The following PLEKHA1 variants were observed in gnomAD, a reference collection of about 807,000 sequenced individuals.
PLEKHA1 encodes pleckstrin homology domain-containing family A member 1.
PLEKHA1 carries 34 observed loss-of-function variants against 52.0 expected under a neutral mutation model. That is an observed-to-expected ratio of 0.65 (90% CI 0.50 to 0.87). PLEKHA1 has a LOEUF of 0.87. Ranked by LOEUF, PLEKHA1 falls within the 40% of genes least tolerant of loss-of-function variation. PLEKHA1 has a pLI of 0.00. For missense variants in PLEKHA1, 497 were observed against 504.2 expected, an observed-to-expected ratio of 0.99 and a Z score of 0.14; for synonymous variants, 163 against 170.7, an observed-to-expected ratio of 0.95 and a Z score of 0.35.
At chr10:122,415,816 T>C (rs2097167056) in intron 6 of PLEKHA1, 43 bp from the exon 7 acceptor site, 1 of 1,551,844 alleles carries the variant, frequency 6.4e-7, no homozygotes, top group Non-Finnish European at 8.8e-7. Context: ...AAAAGTATGC[T>C]AAACAAGCAA....
At chr10:122,399,666 T>A (rs1482924763) in intron 3 of PLEKHA1, among the ~76,000 whole-genome samples, 1 of 152,126 alleles carries the variant, frequency 6.6e-6, no homozygotes, top group African/African-American at 2.4e-5. Context: ...CACTGCAAGC[T>A]CCGTCCCCTG....
Position 122,382,429 on chromosome 10 carries a change from T to C in PLEKHA1, c.-21+7623T>C, listed in dbSNP as rs572317056. 3.7e-3 allele frequency among the ~76,000 whole-genome samples: 565 copies of C among 152,328 alleles called. 2 individuals are homozygous for C. Among genetic ancestry groups the C allele is most frequent in the Non-Finnish European group, 5.0e-3 (342 of 68,028 alleles). The stretch of plus-strand genomic sequence containing the variant: ...ATTAGTACCTAGCTTCTAGATTCAA[T>C]AGATACCAAGTTACTTGGTAAAGGT... On this transcript the variant is annotated intron_variant, in intron 1 of 11. Coordinates refer to ENST00000368990, the MANE Select transcript of PLEKHA1 (RefSeq NM_001001974.4).
In PLEKHA1 at chr10:122,417,956, C is replaced by T. The variant is rs199972260; in HGVS notation, c.669C>T (p.Phe223=). The T allele has an allele frequency of 7.5e-4, 1,205 of 1,609,380 alleles. 3 individuals carry two copies. Among genetic ancestry groups the T allele is most frequent in the Non-Finnish European group, 8.9e-4 (1,049 of 1,176,124 alleles). Residue 223 remains phenylalanine (F), a synonymous_variant, in exon 8 of 12, where the codon TTC becomes TTT. Coordinates refer to ENST00000368990, the MANE Select transcript of PLEKHA1 (RefSeq NM_001001974.4). ...TGGATGAAAACACAATAGGCTACTTCAAATCTGAACTGGTATGTTGTTACG... is the reference window on the plus strand; with the variant it reads ...TGGATGAAAACACAATAGGCTACTTTAAATCTGAACTGGTATGTTGTTACG... ...FQLDENTIGY[F]KSELEKEPLR... is the part of the protein sequence containing the mutation.
downstream of PLEKHA1, chr10:122,435,489 A>G (rs1184907509): frequency 6.6e-6 from 1 of 152,210 alleles, no homozygotes; most frequent in Non-Finnish European, 1.5e-5. Context: ...TATTGCCTCC[A>G]TCGTAGAAAA....
chr10:122,388,225 A>G (rs1417418626), intron 1 of PLEKHA1, among the ~76,000 whole-genome samples: 2 of 152,138 alleles, frequency 1.3e-5, no homozygotes, highest in Non-Finnish European at 2.9e-5. Context: ...GGATTTATCT[A>G]TTTAGGATCT....
chr10:122,392,956 C>G, intron 1 of PLEKHA1: 1 of 344,926 alleles, frequency 2.9e-6, no homozygotes, highest in East Asian at 4.6e-5. Context: ...GAGTAGCTCT[C>G]TGTTGTCCCC....
Position 122,415,935 on chromosome 10 carries a change from T to G in PLEKHA1, c.545T>G (p.Phe182Cys). The change falls in exon 7 of 12, where the codon TTT becomes TGT. Residue 182 changes from phenylalanine (F) to cysteine (C), a missense_variant. Coordinates refer to ENST00000368990, the MANE Select transcript of PLEKHA1 (RefSeq NM_001001974.4). ...CGGTCACAAAGCCATCTTCCTTACT[T>G]TACTCCTAAACCACCTCAAGATAGT... ...LKRSQSHLPY[F>C]TPKPPQDSAV... is the part of the protein sequence containing the mutation. 6.2e-7 allele frequency: 1 copy of G among 1,613,624 alleles called. No homozygotes were observed. Among genetic ancestry groups the G allele is most frequent in the Non-Finnish European group, 8.5e-7 (1 of 1,179,686 alleles).
rs372400312 is a variant in PLEKHA1 at position 122,416,504 on chromosome 10, GGTTTTGTTTT to G, written c.612+513_612+522del. On this transcript the variant is annotated intron_variant, in intron 7 of 11. Coordinates refer to ENST00000368990, the MANE Select transcript of PLEKHA1 (RefSeq NM_001001974.4). ...ATATCATATAAAACCTACCATCTAG[GGTTTTGTTTT>G]GTTTTGTTTTTGTTTTTTAAGAGAT... is the stretch of plus-strand genomic sequence containing the variant. Among the ~76,000 whole-genome samples the G allele has an allele frequency of 3.6e-3, 543 of 152,128 alleles. 1 individual carries two copies. Among genetic ancestry groups the G allele is most frequent in the African/African-American group, 0.012 (512 of 41,474 alleles).
At chr10:122,429,504 G>A (rs1319874716) in intron 11 of PLEKHA1, 120 bp from the exon 12 acceptor site, 2 of 737,720 alleles carry the variant, frequency 2.7e-6, no homozygotes, top group African/African-American at 3.7e-5. Context: ...TTGTGTGTGT[G>A]TGTGTGTGTG....
chr10:122,381,354 C>T (rs1457401500), intron 1 of PLEKHA1, among the ~76,000 whole-genome samples: 3 of 152,246 alleles, frequency 2.0e-5, no homozygotes, highest in African/African-American at 7.2e-5. Context: ...TGTCCCCACC[C>T]AAATCTCATG....
chr10:122,409,523 T>C (rs1206227528), intron 5 of PLEKHA1, among the ~76,000 whole-genome samples: 1 of 152,238 alleles, frequency 6.6e-6, no homozygotes. Flanking sequence ...CTAAGATATA[T>C]ATGGTTTATT....
chr10:122,427,658 A>G (rs987961358), intron 11 of PLEKHA1, among the ~76,000 whole-genome samples: 1 of 152,322 alleles, frequency 6.6e-6, no homozygotes, highest in East Asian at 1.9e-4. Context: ...ATACAACTAA[A>G]CATTCTGCTC....
chr10:122,412,699 AC>A (rs1449930148), intron 5 of PLEKHA1: 7 of 513,352 alleles, frequency 1.4e-5, no homozygotes, highest in Non-Finnish European at 2.4e-5. Flanking sequence ...GTGAACTAGT[AC>A]CTGCCCGAGT....
At chr10:122,440,936 A>G in the PLEKHA1 span, 1 of 152,246 alleles carries the variant, frequency 6.6e-6, no homozygotes, top group East Asian at 1.9e-4. Flanking sequence ...TTTACGTTTA[A>G]TTTTAGGTGC....
At chr10:122,396,444 A>G (rs1280576317) in intron 2 of PLEKHA1, among the ~76,000 whole-genome samples, 1 of 152,094 alleles carries the variant, frequency 6.6e-6, no homozygotes, top group Admixed American at 6.5e-5. Context: ...TTATATGCAT[A>G]TTTACTATTG....
chr10:122,436,424 A>G (rs897759544), downstream of PLEKHA1: 2 of 152,254 alleles, frequency 1.3e-5, no homozygotes, highest in Non-Finnish European at 2.9e-5. Flanking sequence ...ATAGTAAGTA[A>G]CAGATTGAAA....
intron 11 of PLEKHA1, chr10:122,428,421 G>T: frequency 1.4e-6 from 2 of 1,451,894 alleles, no homozygotes; most frequent in Non-Finnish European, 1.8e-6. Context: ...ATCATAGAAA[G>T]TTGAGTTAAC....
chr10:122,411,706 T>C (rs921768667), intron 5 of PLEKHA1: 3 of 152,162 alleles, frequency 2.0e-5, no homozygotes, highest in Non-Finnish European at 4.4e-5. Flanking sequence ...ACTCTAAAGT[T>C]TGAGAAATCA....
rs2097128285 is a variant in PLEKHA1, at chr10:122,413,031, A to G, written c.454A>G (p.Ile152Val). ...TGATATTGTTGGTGGCGTACCCATC[A>G]TTACTCCCACTCAGGTAATTAAGTA... Reference protein sequence around the residue: ...RTDIVGGVPIITPTQKEEVNE... With the variant: ...RTDIVGGVPIVTPTQKEEVNE... The change falls in exon 6 of 12, where the codon ATT (isoleucine) becomes GTT (valine). Residue 152 changes from isoleucine (I) to valine (V), a missense_variant. Coordinates refer to ENST00000368990, the MANE Select transcript of PLEKHA1 (RefSeq NM_001001974.4). The G allele has an allele frequency of 2.5e-6, 4 of 1,612,638 alleles. No individual in the cohort carries two copies. The highest frequency in any genetic ancestry group is 1.3e-5 in the African/African-American group (1 of 75,006).
Sources: gnomAD v4.1 joint callset for allele counts (sites outside exome capture counted in the v4.1 genomes callset) on GRCh38, gnomAD v4.1.1 for gene constraint, MANE v1.5 for transcripts, NCBI Gene and HGNC (gene_info 2026-07-23, HGNC 2026-07-21) for gene names.